The following PAK4 variants were observed in gnomAD, a reference collection of about 807,000 sequenced individuals.
The protein encoded by PAK4 is p21 (RAC1) activated kinase 4.
In PAK4, 49 loss-of-function variants were observed where a neutral mutation model predicts 53.5. That is an observed-to-expected ratio of 0.92 (90% confidence interval 0.73 to 1.16). PAK4 has a LOEUF of 1.16. Ranked by LOEUF, PAK4 falls within the 50% of genes most tolerant of loss-of-function variation. The probability of loss-of-function intolerance (pLI) is 0.00; values close to 1 mark genes in which losing one functional copy is unlikely to be tolerated. For missense variants in PAK4, 824 were observed against 850.7 expected (o/e 0.97, Z 0.39); for synonymous variants, 376 against 375.6 (o/e 1.00, Z -0.01).
chr19:39,160,101 G>A (rs545243498), intron 1 of PAK4, among the ~76,000 whole-genome samples: 1 of 152,154 alleles, frequency 6.6e-6, no homozygotes, highest in Non-Finnish European at 1.5e-5. Context: ...TGTGGTGCTG[G>A]GACACACACC....
At chr19:39,137,983 G>T (rs2145133360) in intron 1 of PAK4, among the ~76,000 whole-genome samples, 1 of 128,698 alleles carries the variant, frequency 7.8e-6, no homozygotes, top group African/African-American at 2.9e-5. Context: ...CATTCCTGAG[G>T]TTTTTTTTTT....
chr19:39,178,544 A>G lies in PAK4; in HGVS notation c.1741A>G (p.Ile581Val), dbSNP rs757318639. The change falls in exon 9 of 9, where the codon ATC becomes GTC. Residue 581 changes from isoleucine to valine, a missense_variant. By Grantham distance (29) the Ile-to-Val change is conservative (BLOSUM62 3). This residue lies in a region of PAK4 where 346 missense variants were observed against 415.0 expected (regional missense o/e 0.83). Coordinates refer to ENST00000358301, the Ensembl canonical transcript of PAK4. This position sits in a 1 kb window ranked among gnomAD's most constrained non-coding sequence, Gnocchi z 4.4. Reference sequence around the variant, plus strand: ...GGCCAAGGCAGGGCCGCCTGCCAGCATCGTGCCCCTCATGCGCCAGAACCG... The same window carrying G: ...GGCCAAGGCAGGGCCGCCTGCCAGCGTCGTGCCCCTCATGCGCCAGAACCG... The G allele has an allele frequency of 2.5e-6, 4 of 1,609,884 alleles. No homozygotes were observed. In the East Asian group the frequency reaches 6.7e-5, roughly 27 times the overall value.
chr19:39,174,950 A>G, exon 5 of PAK4: 1 of 1,613,790 alleles, frequency 6.2e-7, no homozygotes, highest in African/African-American at 1.3e-5. Flanking sequence ...ATGAGGGACT[A>G]CCAGCACGAG....
intron 1 of PAK4, among the ~76,000 whole-genome samples, chr19:39,149,108 T>C (rs529602684): frequency 9.8e-5 from 15 of 152,324 alleles, no homozygotes; most frequent in East Asian, 5.8e-4. Context: ...CTGTTCGGCA[T>C]AGAATTACCT....
At chr19:39,169,327 G>A (rs1417316461) in intron 1 of PAK4, among the ~76,000 whole-genome samples, 2 of 152,130 alleles carry the variant, frequency 1.3e-5, no homozygotes, top group African/African-American at 4.8e-5. Context: ...TGAGCAGAGG[G>A]ACGTGACCGC....
In PAK4 at chr19:39,126,741, T is replaced by A. The variant is rs187116681; in HGVS notation, c.-23+822T>A. ...TGGCCGACCGCCTCTCAAATCATCA[T>A]AATGTCGGTTAATGTTTAATGAGGG... is the stretch of plus-strand genomic sequence containing the variant. On this transcript the variant is annotated intron_variant, in intron 1 of 8. Coordinates refer to ENST00000358301, the Ensembl canonical transcript of PAK4. Among the ~76,000 whole-genome samples the A allele has an allele frequency of 2.0e-3, 311 of 152,176 alleles. 2 individuals carry two copies. The highest frequency in any genetic ancestry group is 7.3e-3 in the African/African-American group (303 of 41,514).
chr19:39,175,372 C>T lies in PAK4; in HGVS notation c.1293C>T (p.Leu431=). The T allele has an allele frequency of 6.2e-7, 1 of 1,608,006 alleles. No individual in the cohort carries two copies. The highest frequency in any genetic ancestry group is 8.5e-7 in the Non-Finnish European group (1 of 1,177,984). Residue 431 remains leucine (L), a synonymous_variant, in exon 6 of 9, where the codon CTC becomes CTT. Coordinates refer to ENST00000358301, the Ensembl canonical transcript of PAK4. This position sits in a 1 kb window ranked among gnomAD's most constrained non-coding sequence, Gnocchi z 4.7. ...CAGTGCTGCAGGCCCTGTCGGTGCTCCACGCCCAGGGCGTCATCCACCGGG... is the reference window on the plus strand; with the variant it reads ...CAGTGCTGCAGGCCCTGTCGGTGCTTCACGCCCAGGGCGTCATCCACCGGG...
chr19:39,136,282 T>G (rs1308708585), intron 1 of PAK4: 1 of 152,036 alleles, frequency 6.6e-6, no homozygotes. Context: ...GCACACCTGG[T>G]CAGGGCAGGA....
At chr19:39,160,290 C>A (rs2074262976) in intron 1 of PAK4, among the ~76,000 whole-genome samples, 1 of 152,208 alleles carries the variant, frequency 6.6e-6, no homozygotes, top group African/African-American at 2.4e-5. Context: ...ATGGCATCAC[C>A]CATTTGTTCC....
chr19:39,159,156 A>G (rs2074242811), intron 1 of PAK4, among the ~76,000 whole-genome samples: 1 of 152,080 alleles, frequency 6.6e-6, no homozygotes, highest in Non-Finnish European at 1.5e-5. Flanking sequence ...CACAGCTTGG[A>G]GTAGTAGAGC....
intron 1 of PAK4, 34 bp from the exon 2 acceptor site, chr19:39,168,192 ATGAG>A (rs1227552166): frequency 1.3e-5 from 2 of 152,264 alleles, no homozygotes; most frequent in African/African-American, 2.4e-5. Context: ...GAATGAATGA[ATGAG>A]TGAGTGAATG....
At chr19:39,180,416 G>A (rs182289140), downstream of PAK4, 1 of 151,546 alleles carries the variant, frequency 6.6e-6, no homozygotes. Context: ...TAAATAAAAG[G>A]TTTCAGGCTT....
At chr19:39,181,303 C>T (rs941833161), downstream of PAK4, 1 of 152,204 alleles carries the variant, frequency 6.6e-6, no homozygotes, top group Non-Finnish European at 1.5e-5. Flanking sequence ...TGCCCGAGGC[C>T]CCGTTCCTCC....
chr19:39,155,114 C>T (rs892102935), intron 1 of PAK4, among the ~76,000 whole-genome samples: 1 of 152,192 alleles, frequency 6.6e-6, no homozygotes, highest in Non-Finnish European at 1.5e-5. Context: ...GGCGCTTGCT[C>T]ACTGTTGTCC....
intron 1 of PAK4, among the ~76,000 whole-genome samples, chr19:39,144,980 A>G (rs543910055): frequency 1.3e-5 from 2 of 152,312 alleles, no homozygotes; most frequent in South Asian, 4.1e-4. Flanking sequence ...GAATAATTAT[A>G]AAGCAAACAG....
chr19:39,158,009 T>C (rs576422084), intron 1 of PAK4, among the ~76,000 whole-genome samples: 11 of 152,132 alleles, frequency 7.2e-5, no homozygotes, highest in African/African-American at 1.2e-4. Flanking sequence ...ATCATGCATG[T>C]GTGTATGCAT....
At chr19:39,170,092 A>G (rs1158156942) in intron 2 of PAK4, among the ~76,000 whole-genome samples, 1 of 151,920 alleles carries the variant, frequency 6.6e-6, no homozygotes, top group Non-Finnish European at 1.5e-5. Context: ...GTCTCACCCA[A>G]CCTTGAGCCT....
At chr19:39,163,139 AG>A in intron 1 of PAK4, among the ~76,000 whole-genome samples, 1 of 152,320 alleles carries the variant, frequency 6.6e-6, no homozygotes, top group East Asian at 1.9e-4. Flanking sequence ...AAACTGAGGC[AG>A]GGAGGGGCCC....
chr19:39,159,477 C>T (rs945174049), intron 1 of PAK4, among the ~76,000 whole-genome samples: 3 of 152,184 alleles, frequency 2.0e-5, no homozygotes, highest in African/African-American at 7.2e-5. Context: ...CCTCCGCCCC[C>T]TGGGTTCAAG....
Sources: allele counts gnomAD v4.1 joint callset (sites outside exome capture counted in the v4.1 genomes callset), GRCh38; gene constraint gnomAD v4.1.1; regional missense constraint gnomAD v4.1.1; non-coding constraint Gnocchi (gnomAD v3.1); transcripts MANE v1.5; gene names NCBI Gene and HGNC (gene_info 2026-07-23, HGNC 2026-07-21).